Variants in RBFOX1 observed in about 807,000 individuals in gnomAD.
RBFOX1 encodes RNA binding fox-1 homolog 1.
A neutral mutation model predicts 57.7 loss-of-function variants in RBFOX1; 8 were observed. The observed-to-expected ratio is 0.14, with a 90% confidence interval of 0.08 to 0.25. The LOEUF (loss-of-function observed/expected upper bound fraction) is 0.25, where lower values mean the gene tolerates loss of function less well. Among genes scored for constraint, RBFOX1 ranks in the 10% least tolerant of loss-of-function variants. RBFOX1 has a pLI of 1.00. For missense variants in RBFOX1, 611 were observed against 548.5 expected, an observed-to-expected ratio of 1.11 and a Z score of -1.14; for synonymous variants, 326 against 222.4, an observed-to-expected ratio of 1.47 and a Z score of -4.15.
At chr16:6,627,995 G>T (rs1011508640) in intron 2 of RBFOX1, among the ~76,000 whole-genome samples, 2 of 152,222 alleles carry the variant, frequency 1.3e-5, no homozygotes, top group African/African-American at 4.8e-5. Context: ...CCATGTGATT[G>T]TTACTGCAGC....
intron 2 of RBFOX1, among the ~76,000 whole-genome samples, chr16:5,498,265 C>G (rs991850231): frequency 1.3e-5 from 2 of 152,160 alleles, no homozygotes; most frequent in East Asian, 3.8e-4. Flanking sequence ...GCTTCAGCTT[C>G]TCAACGAACT....
chr16:5,840,848 G>T (rs372735469), intron 3 of RBFOX1, among the ~76,000 whole-genome samples: 6 of 152,186 alleles, frequency 3.9e-5, no homozygotes, highest in East Asian at 1.9e-4. Flanking sequence ...CCGAGAGCCA[G>T]TGCCTGTCTG....
At chr16:5,390,481 G>A (rs923013479) in intron 1 of RBFOX1, among the ~76,000 whole-genome samples, 2 of 151,822 alleles carry the variant, frequency 1.3e-5, no homozygotes, top group Admixed American at 6.6e-5. Context: ...TAGAGACGGG[G>A]TTTCACCGTG....
intron 1 of RBFOX1, among the ~76,000 whole-genome samples, chr16:5,345,907 C>T (rs892291585): frequency 1.3e-5 from 2 of 152,194 alleles, no homozygotes; most frequent in Admixed American, 1.3e-4. Context: ...CAGAAGCTCC[C>T]CAACCATATT....
At chr16:6,110,169 T>G (rs939923413) in intron 1 of RBFOX1, among the ~76,000 whole-genome samples, 1 of 150,832 alleles carries the variant, frequency 6.6e-6, no homozygotes, top group Non-Finnish European at 1.5e-5. Flanking sequence ...TTCACTCTAA[T>G]TTTTGGTTTT....
intron 3 of RBFOX1, among the ~76,000 whole-genome samples, chr16:5,850,373 C>T (rs967924636): frequency 6.6e-6 from 1 of 152,134 alleles, no homozygotes; most frequent in South Asian, 2.1e-4. Flanking sequence ...TGTGCAGACA[C>T]ATGTCCTTCG....
chr16:6,262,878 A>G (rs2097709567), intron 1 of RBFOX1, among the ~76,000 whole-genome samples: 1 of 152,194 alleles, frequency 6.6e-6, no homozygotes, highest in Non-Finnish European at 1.5e-5. Flanking sequence ...TGGAAATAAC[A>G]GATCAAGGTA....
intron 3 of RBFOX1, among the ~76,000 whole-genome samples, chr16:5,822,675 C>T (rs947519916): frequency 6.6e-6 from 1 of 152,162 alleles, no homozygotes; most frequent in African/African-American, 2.4e-5. Context: ...TGTCTTGTGT[C>T]TGTGGAATTA....
chr16:6,144,765 A>T lies in RBFOX1; in HGVS notation c.-127+124773A>T, dbSNP rs141758077. On this transcript the variant is annotated intron_variant, in intron 1 of 15. Coordinates refer to ENST00000550418, the MANE Select transcript of RBFOX1 (RefSeq NM_018723.4). ...CATTATGCACAGTCCTCTGAGCAAT[A>T]GCCACATAATTTAAAAACAGCTCAG... Among the ~76,000 whole-genome samples the T allele has an allele frequency of 9.2e-4, 140 of 152,348 alleles. 2 individuals are homozygous for T. The East Asian group carries it at 0.024, about 26-fold the overall frequency.
intron 5 of RBFOX1, among the ~76,000 whole-genome samples, chr16:7,536,048 A>C (rs1454831994): frequency 6.6e-6 from 1 of 152,216 alleles, no homozygotes; most frequent in African/African-American, 2.4e-5. Flanking sequence ...CGTCACTCAC[A>C]CAGTTGAATG....
intron 4 of RBFOX1, among the ~76,000 whole-genome samples, chr16:5,956,235 C>T (rs1015621055): frequency 3.5e-4 from 53 of 152,152 alleles, no homozygotes; most frequent in African/African-American, 1.2e-3. Context: ...GAGATTACTC[C>T]ACTGCACTGC....
intron 4 of RBFOX1, among the ~76,000 whole-genome samples, chr16:7,350,040 GGGTGGCTGA>G (rs1367652071): frequency 9.9e-5 from 15 of 152,130 alleles, no homozygotes. Flanking sequence ...TCAGTTCCTT[GGGTGGCTGA>G]GGTGGGAGAA....
chr16:6,715,094 G>C (rs916484067), intron 3 of RBFOX1, among the ~76,000 whole-genome samples: 6 of 152,238 alleles, frequency 3.9e-5, no homozygotes, highest in Admixed American at 2.6e-4. Flanking sequence ...TGCGGCAGCA[G>C]GGAGTGGTGA....
chr16:6,620,947 C>A (rs1257900890), intron 2 of RBFOX1, among the ~76,000 whole-genome samples: 2 of 152,202 alleles, frequency 1.3e-5, no homozygotes, highest in African/African-American at 4.8e-5. Flanking sequence ...TATTCTCTCA[C>A]AATTTGAGAA....
chr16:6,203,388 C>T (rs566175478), intron 1 of RBFOX1, among the ~76,000 whole-genome samples: 1 of 152,112 alleles, frequency 6.6e-6, no homozygotes, highest in East Asian at 1.9e-4. Context: ...AGCATTATGA[C>T]CTCTGGGTCT....
Position 7,302,929 on chromosome 16 carries a change from A to G in RBFOX1, c.28-215218A>G, listed in dbSNP as rs566526176. Among the ~76,000 whole-genome samples, 12 of 152,286 alleles carry G rather than the reference A, an allele frequency of 7.9e-5. No individual in the cohort carries two copies. In the South Asian group the frequency reaches 2.5e-3, roughly 32 times the overall value. ...GAGCAGAATGTTAATTTGGCCAAGG[A>G]GGGCTGGACAGGCAAGAATAAAAAA... On this transcript the variant is annotated intron_variant, in intron 4 of 15. Coordinates refer to ENST00000550418, the MANE Select transcript of RBFOX1 (RefSeq NM_018723.4).
rs140718908 is a variant in RBFOX1 at position 6,395,150 on chromosome 16, G to A, written c.-64+78093G>A. On this transcript the variant is annotated intron_variant, in intron 2 of 15. Transcript: ENST00000550418. The stretch of plus-strand genomic sequence containing the variant: ...CTAAAGATATGGTGACATTCAGCTG[G>A]CATGTGGAAATGAATTATTGTCTAA... 4.1e-3 allele frequency among the ~76,000 whole-genome samples: 628 copies of A among 152,328 alleles called. 8 individuals are homozygous for A. The highest frequency in any genetic ancestry group is 0.014 in the African/African-American group (567 of 41,570).
chr16:5,983,208 G>C (rs2060209292), intron 4 of RBFOX1, among the ~76,000 whole-genome samples: 1 of 152,198 alleles, frequency 6.6e-6, no homozygotes, highest in Non-Finnish European at 1.5e-5. Flanking sequence ...CGGGGAATTA[G>C]GGATGTCAGA....
intron 3 of RBFOX1, among the ~76,000 whole-genome samples, chr16:6,931,337 C>A (rs11077113): frequency 0.031 from 3,378 of 109,864 alleles, 121 homozygotes; most frequent in African/African-American, 0.098. Context: ...ATCTATCTAT[C>A]TCTACACACA....
Sources: gnomAD v4.1 joint callset for allele counts (sites outside exome capture counted in the v4.1 genomes callset) on GRCh38, gnomAD v4.1.1 for gene constraint, MANE v1.5 for transcripts, NCBI Gene and HGNC (gene_info 2026-07-23, HGNC 2026-07-21) for gene names.